UBE3C: variants seen among roughly 807,000 people sequenced by gnomAD.
UBE3C encodes ubiquitin protein ligase E3C, also known as ubiquitin-protein ligase E3C.
UBE3C carries 42 observed loss-of-function variants against 129.4 expected under a neutral mutation model. The ratio of observed to expected loss-of-function variants is 0.32; its 90% confidence interval spans 0.25 to 0.42. The LOEUF (loss-of-function observed/expected upper bound fraction) is 0.42. UBE3C is among the 10% of genes least tolerant of loss of function. The pLI is 1.00. For missense variants in UBE3C, 1,049 were observed against 1,319.1 expected (o/e 0.80, Z 3.17); for synonymous variants, 510 against 492.4 (o/e 1.04, Z -0.47).
rs373648534 is a variant in UBE3C, at chr7:157,174,870, C to T, written c.343-49C>T. 4.2e-5 allele frequency: 60 copies of T among 1,427,348 alleles called. No individual in the cohort carries two copies. In the African/African-American group the frequency reaches 8.3e-4, roughly 20 times the overall value. 88.4% of individuals were successfully genotyped at this position (1,427,348 alleles called of 1,614,324 possible). ...TTGGGGTATTATGTAAATTAGCAAA[C>T]TATTAAATTTTCATTGAGAGTTGTA... On this transcript the variant is annotated intron_variant, in intron 4 of 22. Transcript: ENST00000348165.
intron 18 of UBE3C, among the ~76,000 whole-genome samples, chr7:157,242,537 T>TTA (rs1554436967): frequency 0.094 from 13,015 of 137,978 alleles, 798 homozygotes; most frequent in Middle Eastern, 0.16. Context: ...TTTTTTTTTT[T>TTA]AAATTCCTAC....
chr7:157,250,859 A>G (rs903180247), intron 19 of UBE3C, among the ~76,000 whole-genome samples: 4 of 152,144 alleles, frequency 2.6e-5, no homozygotes, highest in Admixed American at 6.6e-5. Flanking sequence ...TGTTGTGGTG[A>G]CCTGCCTGAG....
At chr7:157,250,978 CTG>C (rs1398156058) in intron 19 of UBE3C, among the ~76,000 whole-genome samples, 1 of 152,172 alleles carries the variant, frequency 6.6e-6, no homozygotes, top group African/African-American at 2.4e-5. Flanking sequence ...ATACTGGAAT[CTG>C]TTAAAAGCAA....
intron 19 of UBE3C, among the ~76,000 whole-genome samples, chr7:157,250,707 A>G (rs1796599555): frequency 6.6e-6 from 1 of 152,180 alleles, no homozygotes; most frequent in Admixed American, 6.5e-5. Flanking sequence ...AATTTTCACC[A>G]ATGCAAAATT....
intron 6 of UBE3C, among the ~76,000 whole-genome samples, chr7:157,179,134 T>C (rs1808602582): frequency 6.6e-6 from 1 of 151,832 alleles, no homozygotes; most frequent in Non-Finnish European, 1.5e-5. Context: ...TGTCCCGTCA[T>C]CCAAGATTGG....
At chr7:157,252,299 G>T (rs1217937895) in intron 19 of UBE3C, among the ~76,000 whole-genome samples, 1 of 152,206 alleles carries the variant, frequency 6.6e-6, no homozygotes, top group Non-Finnish European at 1.5e-5. Flanking sequence ...AAAGGAAGGG[G>T]TGGTATTTTA....
At chr7:157,214,865 G>C (rs1809691166) in intron 13 of UBE3C, among the ~76,000 whole-genome samples, 1 of 152,162 alleles carries the variant, frequency 6.6e-6, no homozygotes, top group Non-Finnish European at 1.5e-5. Flanking sequence ...TAACCAGACA[G>C]AACTAATAAT....
chr7:157,172,082 G>A (rs1462770355), intron 4 of UBE3C, among the ~76,000 whole-genome samples: 2 of 151,362 alleles, frequency 1.3e-5, no homozygotes, highest in East Asian at 1.9e-4. Context: ...GCCCAGGCTG[G>A]AGTGTAGTGG....
At chr7:157,220,826 A>G (rs1381903002) in intron 15 of UBE3C, 50 bp downstream of exon 15, 2 of 1,580,922 alleles carry the variant, frequency 1.3e-6, no homozygotes, top group Non-Finnish European at 1.7e-6. Flanking sequence ...ACATGCTGTC[A>G]AATTCACTCC....
chr7:157,144,474 G>C (rs1399813372), intron 1 of UBE3C, among the ~76,000 whole-genome samples: 1 of 152,176 alleles, frequency 6.6e-6, no homozygotes, highest in African/African-American at 2.4e-5. Flanking sequence ...GAAGACAGGA[G>C]TGGCATAACT....
intron 10 of UBE3C, among the ~76,000 whole-genome samples, chr7:157,189,568 C>A (rs779774310): frequency 6.6e-6 from 1 of 152,176 alleles, no homozygotes; most frequent in Non-Finnish European, 1.5e-5. Flanking sequence ...GCATTTGTGA[C>A]CCTACTTACA....
intron 1 of UBE3C, among the ~76,000 whole-genome samples, chr7:157,144,726 A>T (rs1478791659): frequency 6.6e-6 from 1 of 152,036 alleles, no homozygotes; most frequent in Non-Finnish European, 1.5e-5. Flanking sequence ...GAGCAGTTTC[A>T]GGTTTACAAT....
intron 17 of UBE3C, among the ~76,000 whole-genome samples, chr7:157,229,837 T>C (rs556031395): frequency 6.6e-6 from 1 of 152,262 alleles, no homozygotes; most frequent in Admixed American, 6.5e-5. Flanking sequence ...GGTCTTGGAC[T>C]CCTGGCCTCA....
At chr7:157,248,018 G>A (rs1295529115) in intron 18 of UBE3C, among the ~76,000 whole-genome samples, 2 of 152,120 alleles carry the variant, frequency 1.3e-5, no homozygotes, top group African/African-American at 2.4e-5. Context: ...AGCCACCTTG[G>A]GAGACTAACA....
intron 21 of UBE3C, among the ~76,000 whole-genome samples, chr7:157,254,825 A>C (rs1029292732): frequency 6.6e-6 from 1 of 151,426 alleles, no homozygotes; most frequent in Non-Finnish European, 1.5e-5. Flanking sequence ...GGATCACTTG[A>C]GCTCAGGAGT....
chr7:157,188,023 G>A (rs907477155), intron 10 of UBE3C, among the ~76,000 whole-genome samples: 5 of 152,184 alleles, frequency 3.3e-5, no homozygotes, highest in African/African-American at 1.2e-4. Flanking sequence ...AAATAATTGT[G>A]ACAATAATCT....
intron 4 of UBE3C, 95 bp downstream of exon 4, chr7:157,170,545 C>T: frequency 1.5e-6 from 2 of 1,296,330 alleles, no homozygotes; most frequent in South Asian, 2.1e-5. Context: ...AGTTAAACAG[C>T]TCTCCACTGC....
rs1222713663 is a variant in UBE3C, at chr7:157,175,105, CTT to C, written c.458+74_458+75del. 6.3e-6 allele frequency: 4 copies of C among 637,862 alleles called. No homozygotes were observed. The East Asian group carries it at 2.1e-4, about 34-fold the overall frequency. 39.5% of individuals were successfully genotyped at this position (637,862 alleles called of 1,614,324 possible). A position where few individuals can be genotyped will look rare whatever the true frequency, so the allele number is the denominator to read the frequency against. ...CCTTGTCTAGGGGAACACCTTTTGA[CTT>C]TTATTTTCAGAGACAGTGGCTTTTC... On this transcript the variant is annotated intron_variant, in intron 5 of 22. Transcript: ENST00000348165.
chr7:157,234,763 T>A (rs1375899065), intron 18 of UBE3C, among the ~76,000 whole-genome samples: 1 of 152,208 alleles, frequency 6.6e-6, no homozygotes, highest in Non-Finnish European at 1.5e-5. Context: ...CAGGTGTTGA[T>A]TTGATGTTGA....
Sources: allele counts gnomAD v4.1 joint callset (sites outside exome capture counted in the v4.1 genomes callset), GRCh38; gene constraint gnomAD v4.1.1; transcripts MANE v1.5; gene names NCBI Gene and HGNC (gene_info 2026-07-23, HGNC 2026-07-21).